Variants in THSD4 observed in about 807,000 individuals in gnomAD.
THSD4 encodes thrombospondin type-1 domain-containing protein 4.
Under a neutral mutation model 119.0 loss-of-function variants are expected in THSD4, and 69 were observed. The ratio of observed to expected loss-of-function variants is 0.58; its 90% confidence interval spans 0.48 to 0.71. The LOEUF is 0.71. Ranked by LOEUF, THSD4 falls within the 30% of genes least tolerant of loss-of-function variation. The probability of loss-of-function intolerance (pLI) is 0.00; values close to 1 mark genes in which losing one functional copy is unlikely to be tolerated. For synonymous variants in THSD4, 524 were observed against 540.4 expected, an observed-to-expected ratio of 0.97 and a Z score of 0.42; for missense variants, 1,393 against 1,391.1, an observed-to-expected ratio of 1.00 and a Z score of -0.02.
chr15:71,712,054 C>T (rs547208959), intron 8 of THSD4, among the ~76,000 whole-genome samples: 4 of 152,272 alleles, frequency 2.6e-5, no homozygotes, highest in African/African-American at 9.6e-5. Flanking sequence ...AGCAGCAGAA[C>T]ACATATTCTT....
chr15:71,512,293 A>C (rs988810015), intron 7 of THSD4, among the ~76,000 whole-genome samples: 26 of 152,190 alleles, frequency 1.7e-4, no homozygotes, highest in Non-Finnish European at 2.8e-4. Flanking sequence ...AATGCTAGCA[A>C]ATTACCCTTA....
intron 7 of THSD4, among the ~76,000 whole-genome samples, chr15:71,433,141 G>T (rs1284493686): frequency 2.0e-5 from 3 of 151,424 alleles, no homozygotes; most frequent in African/African-American, 7.3e-5. Flanking sequence ...GTGGAAGACG[G>T]CATATTTACT....
At chr15:71,464,662 C>G (rs947084646) in intron 7 of THSD4, among the ~76,000 whole-genome samples, 8 of 152,218 alleles carry the variant, frequency 5.3e-5, no homozygotes, top group African/African-American at 1.9e-4. Flanking sequence ...CACTCATCAT[C>G]TCACCTAGAC....
At chr15:71,661,527 C>A (rs1357624304) in intron 8 of THSD4, among the ~76,000 whole-genome samples, 6 of 151,942 alleles carry the variant, frequency 3.9e-5, no homozygotes, top group Admixed American at 3.9e-4. Context: ...TCCCGAGTAG[C>A]TGGGACCACA....
At chr15:71,111,197 G>C (rs563408824), upstream of THSD4, 37 of 1,613,126 alleles carry the variant, frequency 2.3e-5, no homozygotes, top group Admixed American at 4.2e-4. Flanking sequence ...ATGAGAGCAA[G>C]TGTGAAGCAG....
chr15:71,501,159 T>C (rs567127146), intron 7 of THSD4, among the ~76,000 whole-genome samples: 2 of 152,280 alleles, frequency 1.3e-5, no homozygotes, highest in East Asian at 3.9e-4. Flanking sequence ...AACAATAAGA[T>C]TGTTGTTGGT....
At chr15:71,751,272 T>G (rs1012038228) in intron 14 of THSD4, among the ~76,000 whole-genome samples, 3 of 152,238 alleles carry the variant, frequency 2.0e-5, no homozygotes, top group African/African-American at 7.2e-5. Flanking sequence ...TGCTGGACTT[T>G]CATTTTTATA....
chr15:71,709,192 GGT>G (rs1330359137), intron 8 of THSD4, among the ~76,000 whole-genome samples: 2 of 152,170 alleles, frequency 1.3e-5, no homozygotes, highest in Non-Finnish European at 2.9e-5. Flanking sequence ...ATTAAAATAA[GGT>G]GTGTGAATTT....
chr15:71,188,015 A>G (rs561413665), intron 3 of THSD4, among the ~76,000 whole-genome samples: 1 of 152,362 alleles, frequency 6.6e-6, no homozygotes, highest in Non-Finnish European at 1.5e-5. Flanking sequence ...ACAATTATTA[A>G]TAGTGCCTCT....
chr15:71,589,222 G>C (rs1441111401), intron 7 of THSD4, among the ~76,000 whole-genome samples: 2 of 147,492 alleles, frequency 1.4e-5, no homozygotes, highest in Admixed American at 6.8e-5. Context: ...AAATGGACTT[G>C]AATATATTAA....
intron 6 of THSD4, among the ~76,000 whole-genome samples, chr15:71,266,097 C>T (rs1335740997): frequency 8.5e-5 from 13 of 152,264 alleles, no homozygotes; most frequent in African/African-American, 2.4e-4. Context: ...CATCACAGCG[C>T]TCAAGCTCTG....
chr15:71,746,944 C>G lies in THSD4; in HGVS notation c.2143C>G (p.Gln715Glu). 1 of 1,613,816 alleles carries G rather than the reference C, an allele frequency of 6.2e-7. No individual in the cohort carries two copies. The highest frequency in any genetic ancestry group is 1.7e-5 in the Admixed American group (1 of 60,018). Residue 715 changes from glutamine (Q) to glutamate (E), a missense_variant, in exon 13 of 18, where the codon CAG (glutamine) becomes GAG (glutamate). Physicochemically the swap from Gln to Glu is conservative, Grantham distance 29. Coordinates refer to ENST00000261862, the MANE Select transcript of THSD4 (RefSeq NM_024817.3). ...GTACGCCAACCGCAGCCTGACGGTGCAGCCCTACCGCTGCCAGCACCTGGA... is the reference window on the plus strand; with the variant it reads ...GTACGCCAACCGCAGCCTGACGGTGGAGCCCTACCGCTGCCAGCACCTGGA... ...QVYANRSLTV[Q>E]PYRCQHLEKP... is the part of the protein sequence containing the mutation.
chr15:71,435,469 A>G (rs1225540241), intron 7 of THSD4, among the ~76,000 whole-genome samples: 2 of 152,340 alleles, frequency 1.3e-5, no homozygotes, highest in East Asian at 3.9e-4. Context: ...ATAGCTCTCT[A>G]AAGAGTAGTC....
At chr15:71,738,397 C>A (rs748202745) in intron 11 of THSD4, among the ~76,000 whole-genome samples, 111 of 152,278 alleles carry the variant, frequency 7.3e-4, no homozygotes, top group Non-Finnish European at 9.7e-4. Flanking sequence ...AAATGGCAAA[C>A]CCTCACCTCT....
rs530989361 is a variant in THSD4 at position 71,205,187 on chromosome 15, C to T, written c.100-9848C>T. Among the ~76,000 whole-genome samples the T allele has an allele frequency of 6.6e-5, 10 of 152,286 alleles. No homozygotes were observed. In the South Asian group the frequency reaches 1.5e-3, roughly 22 times the overall value. On this transcript the variant is annotated intron_variant, in intron 3 of 17. Transcript: ENST00000261862. ...AGGTAGATTGTGTTGCACATTACCCCGTGGCTCTCACCTTGAGAAGCGTAG... is the reference window on the plus strand; with the variant it reads ...AGGTAGATTGTGTTGCACATTACCCTGTGGCTCTCACCTTGAGAAGCGTAG...
intron 6 of THSD4, among the ~76,000 whole-genome samples, chr15:71,308,299 C>T (rs1369480379): frequency 6.6e-6 from 1 of 152,190 alleles, no homozygotes. Flanking sequence ...TAACCCTTCC[C>T]TGCCTACTCG....
chr15:71,144,756 ATCACAG>A (rs1425277415), intron 2 of THSD4, among the ~76,000 whole-genome samples: 1 of 152,218 alleles, frequency 6.6e-6, no homozygotes, highest in Non-Finnish European at 1.5e-5. Context: ...AATAAAAAGA[ATCACAG>A]TTAAACCTAG....
intron 8 of THSD4, among the ~76,000 whole-genome samples, chr15:71,684,517 C>CT (rs11357397): frequency 0.018 from 2,577 of 145,980 alleles, 71 homozygotes; most frequent in African/African-American, 0.056. Flanking sequence ...ATCTTGTAAT[C>CT]TTTTTTTTTT....
chr15:71,740,946 G>A (rs1386207409), intron 11 of THSD4, among the ~76,000 whole-genome samples: 2 of 152,138 alleles, frequency 1.3e-5, no homozygotes, highest in Non-Finnish European at 2.9e-5. Flanking sequence ...TGCTTGGCTT[G>A]GCTGTCTCCA....
Sources: allele counts gnomAD v4.1 joint callset (sites outside exome capture counted in the v4.1 genomes callset), GRCh38; gene constraint gnomAD v4.1.1; transcripts MANE v1.5; gene names NCBI Gene and HGNC (gene_info 2026-07-23, HGNC 2026-07-21).